The following MTAP variants were observed in gnomAD, a reference collection of about 807,000 sequenced individuals.
The protein encoded by MTAP is S-methyl-5'-thioadenosine phosphorylase.
MTAP carries 33 observed loss-of-function variants against 33.6 expected under a neutral mutation model. The ratio of observed to expected loss-of-function variants is 0.98; its 90% CI spans 0.74 to 1.31. The LOEUF (loss-of-function observed/expected upper bound fraction) is 1.31, where lower values mean the gene tolerates loss of function less well. Ranked by LOEUF, MTAP falls within the 40% of genes most tolerant of loss-of-function variation. The pLI is 0.00. For synonymous variants in MTAP, 148 were observed against 125.7 expected (o/e 1.18, Z -1.19); for missense variants, 367 against 360.0 (o/e 1.02, Z -0.16).
chr9:21,848,100 T>C (rs1360651586), intron 5 of MTAP, among the ~76,000 whole-genome samples: 8 of 152,192 alleles, frequency 5.3e-5, no homozygotes, highest in African/African-American at 1.7e-4. Context: ...CACCTTTGTC[T>C]GAGGAGATAA....
chr9:21,854,563 G>T, intron 5 of MTAP, 68 bp from the exon 6 acceptor site: 6 of 1,465,084 alleles, frequency 4.1e-6, no homozygotes, highest in South Asian at 1.6e-5. Context: ...GTAAACATTG[G>T]GGGGAAGTGC....
chr9:21,825,936 C>T (rs141122647), intron 4 of MTAP, among the ~76,000 whole-genome samples: 7 of 145,140 alleles, frequency 4.8e-5, no homozygotes, highest in Admixed American at 4.8e-4. Context: ...ATTTATGTGT[C>T]TTCTTTTGAG....
At position 21,815,321 on chromosome 9, in the gene MTAP, T is replaced by C. The variant is rs1587201992; in HGVS notation, c.34-112T>C. ...AATTTTCAGATTTCAAAAAAATAAC[T>C]AGGGCTTGGCAGGAATGGAGAAGAG... On this transcript the variant is annotated intron_variant, in intron 1 of 7. Coordinates refer to ENST00000644715, the MANE Select transcript of MTAP (RefSeq NM_002451.4). The C allele has an allele frequency of 6.1e-6, 4 of 652,316 alleles. No homozygotes were observed. In the East Asian group the frequency reaches 1.2e-4, roughly 20 times the overall value. The allele number at this position is 652,316 out of a possible 1,614,324, so 40.4% of individuals were successfully genotyped here. A position where few individuals can be genotyped will look rare whatever the true frequency, so the allele number is the denominator to read the frequency against.
chr9:21,903,682 C>T (rs1387631088), intron 1 of MTAP, among the ~76,000 whole-genome samples: 4 of 152,150 alleles, frequency 2.6e-5, no homozygotes, highest in Non-Finnish European at 5.9e-5. Context: ...TAATGAAATG[C>T]GAAAAGTTCC....
At chr9:21,833,916 G>A (rs976396683) in intron 4 of MTAP, among the ~76,000 whole-genome samples, 5 of 152,134 alleles carry the variant, frequency 3.3e-5, no homozygotes, top group African/African-American at 1.2e-4. Flanking sequence ...CTTTGAAAGT[G>A]CCAGTGTTCT....
At chr9:21,868,997 C>G (rs2118631318), downstream of MTAP, among the ~76,000 whole-genome samples, 1 of 152,248 alleles carries the variant, frequency 6.6e-6, no homozygotes, top group Middle Eastern at 3.4e-3. Context: ...TGATCATTGT[C>G]TTATGCACCA....
chr9:21,858,174 T>A (rs140257901), intron 6 of MTAP, among the ~76,000 whole-genome samples: 1 of 152,348 alleles, frequency 6.6e-6, no homozygotes, highest in East Asian at 1.9e-4. Flanking sequence ...AGGAGAAACG[T>A]ACCTGTTTGG....
rs1168641782 is a variant in MTAP, at chr9:21,854,842, A to G, written c.662A>G (p.Tyr221Cys). The change falls in exon 6 of 8, where the codon TAT becomes TGT. Residue 221 changes from tyrosine to cysteine, a missense_variant. Transcript: ENST00000644715. ...CYASIAMATDYDCWKEHEEAV... is the reference protein window; with the variant it reads ...CYASIAMATDCDCWKEHEEAV... ...GCAAGTATCGCCATGGCGACAGATT[A>G]TGACTGCTGGAAGGAGCACGAGGAA... 5 of 1,614,048 alleles carry G rather than the reference A, an allele frequency of 3.1e-6. No homozygotes were observed. The highest frequency in any genetic ancestry group is 1.3e-5 in the African/African-American group (1 of 74,948).
At chr9:21,836,941 G>A (rs184522702) in intron 4 of MTAP, among the ~76,000 whole-genome samples, 1 of 152,246 alleles carries the variant, frequency 6.6e-6, no homozygotes, top group African/African-American at 2.4e-5. Context: ...CCTGGAAGAG[G>A]ACATCATGTT....
intron 4 of MTAP, among the ~76,000 whole-genome samples, chr9:21,827,355 G>C (rs1190993241): frequency 1.3e-5 from 2 of 152,198 alleles, no homozygotes; most frequent in Non-Finnish European, 2.9e-5. Context: ...ATGGGAGAGA[G>C]GGTTGTCCAG....
chr9:21,867,544 C>T (rs1221724746), downstream of MTAP, among the ~76,000 whole-genome samples: 4 of 151,978 alleles, frequency 2.6e-5, no homozygotes, highest in Non-Finnish European at 5.9e-5. Flanking sequence ...TTATATAATG[C>T]TGGATTCGGT....
intron 1 of MTAP, among the ~76,000 whole-genome samples, chr9:21,880,548 C>G (rs940826947): frequency 9.9e-5 from 15 of 152,052 alleles, no homozygotes; most frequent in Non-Finnish European, 1.8e-4. Flanking sequence ...TAAACAAGCT[C>G]AGCAAGGTTG....
In MTAP at chr9:21,866,057, G is replaced by T. The variant is rs1337688334; in HGVS notation, c.*4043G>T. 6.5e-6 allele frequency: 1 copy of T among 153,028 alleles called. No individual in the cohort carries two copies. Among genetic ancestry groups the T allele is most frequent in the African/African-American group, 2.4e-5 (1 of 41,412 alleles). The allele number at this position is 153,028 out of a possible 1,614,324, so 9.5% of individuals were successfully genotyped here. A position where few individuals can be genotyped will look rare whatever the true frequency, so the allele number is the denominator to read the frequency against. Reference sequence around the variant, plus strand: ...TTTGTAAGAATTCTTGACAAAGCTTGGTATTGTCAGCGTTTTTAATTTTAG... The same window carrying T: ...TTTGTAAGAATTCTTGACAAAGCTTTGTATTGTCAGCGTTTTTAATTTTAG... On this transcript the variant is annotated 3_prime_UTR_variant, in exon 8 of 8. Coordinates refer to ENST00000644715, the MANE Select transcript of MTAP (RefSeq NM_002451.4).
intron 6 of MTAP, among the ~76,000 whole-genome samples, chr9:21,858,468 C>T (rs1825683585): frequency 1.3e-5 from 2 of 152,170 alleles, no homozygotes; most frequent in African/African-American, 4.8e-5. Flanking sequence ...AGGAAACTTC[C>T]AATCATGTTG....
intron 1 of MTAP, among the ~76,000 whole-genome samples, chr9:21,814,056 A>G (rs1051586429): frequency 6.6e-6 from 1 of 152,246 alleles, no homozygotes; most frequent in Non-Finnish European, 1.5e-5. Context: ...GATGGCGCCA[A>G]CATCAAAGCC....
intron 1 of MTAP, 69 bp downstream of exon 1, chr9:21,802,850 C>T: frequency 6.3e-7 from 1 of 1,592,676 alleles, no homozygotes; most frequent in Non-Finnish European, 8.5e-7. Context: ...CGCCGGGGGA[C>T]CGCGCCTCCG....
chr9:21,819,644 G>C (rs1220010588), intron 4 of MTAP, among the ~76,000 whole-genome samples: 1 of 152,108 alleles, frequency 6.6e-6, no homozygotes, highest in Non-Finnish European at 1.5e-5. Flanking sequence ...ATAATCCTTT[G>C]GGTATATACC....
intron 5 of MTAP, among the ~76,000 whole-genome samples, chr9:21,841,888 G>T (rs1825256675): frequency 6.6e-6 from 1 of 152,150 alleles, no homozygotes; most frequent in Admixed American, 6.5e-5. Context: ...ACCCCCAAAA[G>T]ATCACACCAG....
rs113221951 is a variant in MTAP, at chr9:21,928,670, C to T, written c.148-2338C>T. On this transcript the variant is annotated intron_variant, in intron 1 of 1. Transcript: ENST00000577563. Reference sequence around the variant, plus strand: ...CCCTAGGCATGAAGTGGTACCCTCACTTTGCCTGAGAACTGCAATCTTCAG... The same window carrying T: ...CCCTAGGCATGAAGTGGTACCCTCATTTTGCCTGAGAACTGCAATCTTCAG... 4.8e-4 allele frequency among the ~76,000 whole-genome samples: 73 copies of T among 152,194 alleles called. 1 individual carries two copies. The highest frequency in any genetic ancestry group is 1.7e-3 in the African/African-American group (70 of 41,524).
Sources: gnomAD v4.1 joint callset for allele counts (sites outside exome capture counted in the v4.1 genomes callset) on GRCh38, gnomAD v4.1.1 for gene constraint, MANE v1.5 for transcripts, NCBI Gene and HGNC (gene_info 2026-07-23, HGNC 2026-07-21) for gene names.